Variants in KCNQ5 observed in about 807,000 individuals in gnomAD.
The protein encoded by KCNQ5 is potassium voltage-gated channel subfamily KQT member 5.
KCNQ5 carries 30 observed loss-of-function variants against 98.2 expected under a neutral mutation model. The ratio of observed to expected loss-of-function variants is 0.31; its 90% CI spans 0.23 to 0.41. The LOEUF (loss-of-function observed/expected upper bound fraction) is 0.41, where lower values mean the gene tolerates loss of function less well. KCNQ5 is among the 10% of genes least tolerant of loss of function. The pLI is 1.00. For synonymous variants in KCNQ5, 458 were observed against 449.4 expected (o/e 1.02, Z -0.24); for missense variants, 835 against 1,182.5 (o/e 0.71, Z 4.31).
rs2226134 is a variant in KCNQ5 at position 72,868,710 on chromosome 6, G to A, written c.399-135198G>A. On this transcript the variant is annotated intron_variant, in intron 1 of 13. Coordinates refer to ENST00000370398, the MANE Select transcript of KCNQ5 (RefSeq NM_019842.4). ...GCAACCAGTAAGCTCTATGAACAGAGCTAAATGGATGGCAGTCTACATGGT... is the reference window on the plus strand; with the variant it reads ...GCAACCAGTAAGCTCTATGAACAGAACTAAATGGATGGCAGTCTACATGGT... 6.1e-3 allele frequency among the ~76,000 whole-genome samples: 933 copies of A among 152,272 alleles called. 31 individuals are homozygous for A. In the East Asian group the frequency reaches 0.085, roughly 14 times the overall value.
chr6:73,132,437 T>A (rs899508061), intron 9 of KCNQ5, among the ~76,000 whole-genome samples: 2 of 152,060 alleles, frequency 1.3e-5, no homozygotes, highest in African/African-American at 4.8e-5. Context: ...CTTCTTACAG[T>A]TCATTTGATT....
chr6:72,767,707 C>T (rs907428524), intron 1 of KCNQ5, among the ~76,000 whole-genome samples: 1 of 151,870 alleles, frequency 6.6e-6, no homozygotes, highest in African/African-American at 2.4e-5. Flanking sequence ...AAAAAAGATA[C>T]GCAGATGGCA....
intron 1 of KCNQ5, among the ~76,000 whole-genome samples, chr6:72,863,215 T>C (rs1777840124): frequency 6.6e-6 from 1 of 152,120 alleles, no homozygotes; most frequent in Non-Finnish European, 1.5e-5. Flanking sequence ...AAAACAGCCT[T>C]TTCCTGCCCA....
chr6:72,967,572 C>T (rs1767680114), intron 1 of KCNQ5: 1 of 152,804 alleles, frequency 6.5e-6, no homozygotes, highest in Non-Finnish European at 1.5e-5. Context: ...CTATGCACTA[C>T]AAGGGTCTCA....
chr6:72,707,147 C>T (rs989472833), intron 1 of KCNQ5, among the ~76,000 whole-genome samples: 1 of 152,144 alleles, frequency 6.6e-6, no homozygotes, highest in African/African-American at 2.4e-5. Flanking sequence ...TTTGGCTATG[C>T]GTGCATATTC....
intron 9 of KCNQ5, among the ~76,000 whole-genome samples, chr6:73,124,936 GATATAT>G (rs1180218889): frequency 2.0e-4 from 15 of 76,290 alleles, no homozygotes; most frequent in Middle Eastern, 9.6e-3. Flanking sequence ...CTTTTGGAGT[GATATAT>G]ATATATATAT....
intron 1 of KCNQ5, among the ~76,000 whole-genome samples, chr6:72,846,268 G>C (rs995629731): frequency 3.3e-5 from 5 of 151,984 alleles, no homozygotes; most frequent in Non-Finnish European, 5.9e-5. Context: ...TATACTAATG[G>C]CATCACCATT....
At chr6:73,001,201 C>A (rs1769553444) in intron 1 of KCNQ5, among the ~76,000 whole-genome samples, 1 of 152,308 alleles carries the variant, frequency 6.6e-6, no homozygotes, top group South Asian at 2.1e-4. Context: ...TCCCTCCCCA[C>A]TTTCAGCCTC....
intron 2 of KCNQ5, among the ~76,000 whole-genome samples, chr6:73,033,140 C>G (rs1200160748): frequency 6.6e-6 from 1 of 152,092 alleles, no homozygotes; most frequent in East Asian, 1.9e-4. Flanking sequence ...TAGGGCCACT[C>G]CAGGTAGGCA....
At chr6:73,067,112 A>G (rs559991827) in intron 3 of KCNQ5, among the ~76,000 whole-genome samples, 36 of 152,276 alleles carry the variant, frequency 2.4e-4, no homozygotes, top group African/African-American at 8.2e-4. Flanking sequence ...ATTCTTGATA[A>G]TACTTTACTT....
intron 1 of KCNQ5, among the ~76,000 whole-genome samples, chr6:72,968,661 C>T (rs1165088534): frequency 2.0e-5 from 3 of 152,106 alleles, no homozygotes; most frequent in African/African-American, 7.2e-5. Flanking sequence ...TTCTTATAAT[C>T]CAGAGATATT....
At chr6:72,694,029 A>G (rs9446736) in intron 1 of KCNQ5, among the ~76,000 whole-genome samples, 1,997 of 152,308 alleles carry the variant, frequency 0.013, 44 homozygotes, top group African/African-American at 0.046. Flanking sequence ...GCCATTACAC[A>G]TGAATGCCAG....
At chr6:72,723,836 A>ACAAC (rs1338484073) in intron 1 of KCNQ5, among the ~76,000 whole-genome samples, 1 of 152,082 alleles carries the variant, frequency 6.6e-6, no homozygotes, top group Non-Finnish European at 1.5e-5. Flanking sequence ...CCTTCCCTTT[A>ACAAC]CAACCCTTCA....
intron 3 of KCNQ5, among the ~76,000 whole-genome samples, chr6:73,047,130 T>G (rs918368525): frequency 2.0e-5 from 3 of 152,228 alleles, no homozygotes; most frequent in Admixed American, 2.0e-4. Flanking sequence ...ATTTTAAAAT[T>G]AAATTTAATT....
At chr6:73,114,532 A>G (rs745549642) in intron 7 of KCNQ5, among the ~76,000 whole-genome samples, 2 of 152,218 alleles carry the variant, frequency 1.3e-5, no homozygotes, top group Non-Finnish European at 2.9e-5. Flanking sequence ...CAGTCTGGAA[A>G]AAGAAATTAG....
intron 3 of KCNQ5, among the ~76,000 whole-genome samples, chr6:73,053,811 C>G (rs960448216): frequency 6.6e-6 from 1 of 151,912 alleles, no homozygotes. Context: ...AAGAGCAGAT[C>G]GACCCCAAAG....
intron 1 of KCNQ5, among the ~76,000 whole-genome samples, chr6:72,632,842 C>T (rs948360593): frequency 2.8e-5 from 4 of 144,950 alleles, no homozygotes; most frequent in Non-Finnish European, 6.2e-5. Context: ...TTGATGGGCA[C>T]CTAGGTTGAT....
rs185331410 is a variant in KCNQ5 at position 72,886,629 on chromosome 6, C to T, written c.399-117279C>T. On this transcript the variant is annotated intron_variant, in intron 1 of 13. Coordinates refer to ENST00000370398, the MANE Select transcript of KCNQ5 (RefSeq NM_019842.4). ...AGTAATAAAAAGAAATCCATACACA[C>T]TATAGACAAACTGTAGAACACAGAA... is the stretch of plus-strand genomic sequence containing the variant. 1.6e-4 allele frequency among the ~76,000 whole-genome samples: 25 copies of T among 152,252 alleles called. No homozygotes were observed. The East Asian group carries it at 4.4e-3, about 27-fold the overall frequency.
intron 9 of KCNQ5, among the ~76,000 whole-genome samples, chr6:73,124,958 TATATATATATATATATATATATACAC>T (rs1270529825): frequency 0.23 from 4,865 of 20,936 alleles, 376 homozygotes; most frequent in African/African-American, 0.36. Flanking sequence ...TATATATATA[TATATATATATATATATATATATACAC>T]ACACACACAT....
Sources: gnomAD v4.1 joint callset for allele counts (sites outside exome capture counted in the v4.1 genomes callset) on GRCh38, gnomAD v4.1.1 for gene constraint, MANE v1.5 for transcripts, NCBI Gene and HGNC (gene_info 2026-07-23, HGNC 2026-07-21) for gene names.